Variants in IGFN1 observed in about 807,000 individuals in gnomAD.
IGFN1 encodes the protein immunoglobulin like and fibronectin type III domain containing 1.
In IGFN1, 253 loss-of-function variants were observed where a neutral mutation model predicts 289.5. That is an observed-to-expected ratio of 0.87 (90% confidence interval 0.79 to 0.97). IGFN1 has a LOEUF of 0.97. Among genes scored for constraint, IGFN1 ranks in the 50% least tolerant of loss-of-function variants. The pLI is 0.00. For synonymous variants in IGFN1, 1,706 were observed against 1,788.5 expected (o/e 0.95, Z 1.16); for missense variants, 4,470 against 4,686.1 (o/e 0.95, Z 1.35).
At position 201,207,748 on chromosome 1, in the gene IGFN1, A is replaced by G. The variant is rs1036214906; in HGVS notation, c.2855A>G (p.Glu952Gly). The change falls in exon 12 of 24, where the codon GAA (glutamate) becomes GGA (glycine). Residue 952 changes from glutamate to glycine, a missense_variant. This residue lies in a region of IGFN1 where 2,011 missense variants were observed against 1,953.4 expected (regional missense o/e 1.03). Coordinates refer to ENST00000335211, the MANE Select transcript of IGFN1 (RefSeq NM_001164586.2). ...GGCTTGGAAGGTCCCGGGAGAATGG[A>G]ATCTAGGTACGAGGGTGGCTTAGGA... ...KDGLEGPGRM[E>G]SRYEGGLGYS... 8 of 1,536,766 alleles carry G rather than the reference A, an allele frequency of 5.2e-6. No individual in the cohort carries two copies. In the African/African-American group the frequency reaches 1.1e-4, roughly 21 times the overall value.
chr1:201,221,445 A>T lies in IGFN1; in HGVS notation c.9900A>T (p.Arg3300Ser), dbSNP rs945425558. 2.6e-6 allele frequency: 4 copies of T among 1,567,590 alleles called. No homozygotes were observed. The highest frequency in any genetic ancestry group is 3.5e-6 in the Non-Finnish European group (4 of 1,153,962). Reference protein sequence around the residue: ...SDAVFARDPMRPPGLVRNLQV... With the variant: ...SDAVFARDPMSPPGLVRNLQV... ...TGACTCTCCCATGGTGCCTGGCAGG[A>T]CCCCCTGGGCTGGTGAGGAATCTCC... Residue 3300 changes from arginine to serine, a missense_variant and splice_region_variant, in exon 19 of 24, where the codon AGA (arginine) becomes AGT (serine). Physicochemically the swap from Arg to Ser is moderately radical, Grantham distance 110. Transcript: ENST00000335211.
Position 201,212,254 on chromosome 1 carries a change from G to C in IGFN1, c.7361G>C (p.Arg2454Pro), listed in dbSNP as rs529796535. 1 of 1,535,486 alleles carries C rather than the reference G, an allele frequency of 6.5e-7. No individual in the cohort carries two copies. Among genetic ancestry groups the C allele is most frequent in the Admixed American group, 2.0e-5 (1 of 50,904 alleles). ...GGGGTGCTGGGGTCTCAGGGAGGGC[G>C]ACAGACTCTTTCAGATGAGCGAGGC... ...GTGVLGSQGG[R>P]QTLSDERGST... is the part of the protein sequence containing the mutation. The change falls in exon 12 of 24, where the codon CGA (arginine) becomes CCA (proline). Residue 2454 changes from arginine (R) to proline (P), a missense_variant. By Grantham distance (103) the Arg-to-Pro change is moderately radical (BLOSUM62 -2). This residue lies in a region of IGFN1 where 2,218 missense variants were observed against 2,114.1 expected (regional missense o/e 1.05). Coordinates refer to ENST00000335211, the MANE Select transcript of IGFN1 (RefSeq NM_001164586.2).
chr1:201,196,655 A>G (rs939481092), intron 4 of IGFN1, among the ~76,000 whole-genome samples: 5 of 152,116 alleles, frequency 3.3e-5, no homozygotes, highest in Non-Finnish European at 7.3e-5. Context: ...AGGAGTTGTT[A>G]TGAGGATGAA....
intron 3 of IGFN1, among the ~76,000 whole-genome samples, chr1:201,195,314 G>A: frequency 6.6e-6 from 1 of 152,034 alleles, no homozygotes; most frequent in African/African-American, 2.4e-5. Flanking sequence ...ACCAAGCCTG[G>A]CTACTTTTTG....
At position 201,209,579 on chromosome 1, in the gene IGFN1, T is replaced by C; in HGVS notation, c.4686T>C (p.Asn1562=). The C allele has an allele frequency of 1.3e-6, 2 of 1,526,990 alleles. No homozygotes were observed. The highest frequency in any genetic ancestry group is 1.2e-5 in the South Asian group (1 of 83,646). The allele number at this position is 1,526,990 out of a possible 1,614,324, so 94.6% of individuals were successfully genotyped here. A position where few individuals can be genotyped will look rare whatever the true frequency, so the allele number is the denominator to read the frequency against. ...GTTCTGAAGAAATGGGGTCAGTGAATAAGGCAGGTTATAGGAAGGATTTGG... is the reference window on the plus strand; with the variant it reads ...GTTCTGAAGAAATGGGGTCAGTGAACAAGGCAGGTTATAGGAAGGATTTGG... The part of the protein sequence containing the change: ...LGGSEEMGSV[N]KAGYRKDLGA... Residue 1562 remains asparagine, a synonymous_variant, in exon 12 of 24, where the codon AAT becomes AAC. Transcript: ENST00000335211.
rs1046380453 is a variant in IGFN1 at position 201,212,603 on chromosome 1, G to C, written c.7710G>C (p.Gly2570=). The part of the protein sequence containing the change: ...MTDRGRVAGQ[G]GLASQGGGDS... Reference sequence around the variant, plus strand: ...ACAGGGGTAGAGTTGCTGGCCAGGGGGGGTTGGCATCTCAGGGAGGTGGGG... The same window carrying C: ...ACAGGGGTAGAGTTGCTGGCCAGGGCGGGTTGGCATCTCAGGGAGGTGGGG... The change falls in exon 12 of 24, where the codon GGG becomes GGC. Residue 2570 remains glycine (G), a synonymous_variant. Transcript: ENST00000335211. 1.6e-4 allele frequency: 240 copies of C among 1,546,794 alleles called. No individual in the cohort carries two copies. Among genetic ancestry groups the C allele is most frequent in the Non-Finnish European group, 2.1e-4 (235 of 1,144,832 alleles).
At position 201,228,558 on chromosome 1, in the gene IGFN1, A is replaced by C. The variant is rs115064519; in HGVS notation, c.*159A>C. On this transcript the variant is annotated 3_prime_UTR_variant, in exon 24 of 24. Transcript: ENST00000335211. The stretch of plus-strand genomic sequence containing the variant: ...CGAGGTTTTGGCCAGGAGGACGTGA[A>C]GTCCTTGGGGAAGAAAAACAAGGGA... The C allele has an allele frequency of 1.1e-3, 839 of 756,374 alleles. 3 individuals are homozygous for C. In the African/African-American group the frequency reaches 0.013, roughly 12 times the overall value. The allele number at this position is 756,374 out of a possible 1,614,324, so 46.9% of individuals were successfully genotyped here. A position where few individuals can be genotyped will look rare whatever the true frequency, so the allele number is the denominator to read the frequency against.
intron 3 of IGFN1, 75 bp downstream of exon 3, chr1:201,194,348 A>C: frequency 6.7e-7 from 1 of 1,501,466 alleles, no homozygotes; most frequent in Non-Finnish European, 9.0e-7. Context: ...GGGCTGGGGC[A>C]CCAACCTTCC....
chr1:201,199,889 T>C (rs529119009), intron 7 of IGFN1, among the ~76,000 whole-genome samples: 1 of 152,100 alleles, frequency 6.6e-6, no homozygotes, highest in African/African-American at 2.4e-5. Flanking sequence ...CTCCTCTGAT[T>C]TCCTCATTTG....
At position 201,206,207 on chromosome 1, in the gene IGFN1, G is replaced by T. The variant is rs1013156006; in HGVS notation, c.1314G>T (p.Gln438His). ...GCCAGGGAGAGAAATCCAGAGAGCA[G>T]GGCCCCAGGGGGGGCTCCCTTGAAG... ...IESQGEKSRE[Q>H]GPRGGSLEGA... Residue 438 changes from glutamine (Q) to histidine (H), a missense_variant, in exon 12 of 24, where the codon CAG (glutamine) becomes CAT (histidine). Physicochemically the swap from Gln to His is conservative, Grantham distance 24. Coordinates refer to ENST00000335211, the MANE Select transcript of IGFN1 (RefSeq NM_001164586.2). The T allele has an allele frequency of 3.9e-6, 6 of 1,548,540 alleles. No homozygotes were observed. In the African/African-American group the frequency reaches 8.2e-5, roughly 21 times the overall value.
At chr1:201,216,084 T>A (rs1653242844) in intron 15 of IGFN1, 1 of 698,136 alleles carries the variant, frequency 1.4e-6, no homozygotes, top group Non-Finnish European at 2.7e-6. Context: ...CCCAATACAC[T>A]GGGCCCTCAG....
At chr1:201,203,190 C>T (rs1009846279) in intron 9 of IGFN1, among the ~76,000 whole-genome samples, 1 of 152,222 alleles carries the variant, frequency 6.6e-6, no homozygotes, top group Non-Finnish European at 1.5e-5. Flanking sequence ...GTACCTGAAA[C>T]AGTGCCTGGC....
chr1:201,206,924 G>A lies in IGFN1; in HGVS notation c.2031G>A (p.Glu677=), dbSNP rs1395341190. 1 of 1,536,336 alleles carries A rather than the reference G, an allele frequency of 6.5e-7. No homozygotes were observed. Among genetic ancestry groups the A allele is most frequent in the African/African-American group, 1.4e-5 (1 of 73,002 alleles). The stretch of plus-strand genomic sequence containing the variant: ...GGGCAGGAGGTCCTGGCACCCTGGA[G>A]CTTACTGGAGGAAGAGGTTCTGGCT... ...SNGAGGPGTL[E]LTGGRGSGSK... is the part of the protein sequence containing the mutation. The change falls in exon 12 of 24, where the codon GAG becomes GAA. Residue 677 remains glutamate (E), a synonymous_variant. Coordinates refer to ENST00000335211, the MANE Select transcript of IGFN1 (RefSeq NM_001164586.2).
rs941400820 is a variant in IGFN1, at chr1:201,209,159, A to C, written c.4266A>C (p.Ser1422=). 1 of 1,520,480 alleles carries C rather than the reference A, an allele frequency of 6.6e-7. No homozygotes were observed. Among genetic ancestry groups the C allele is most frequent in the Non-Finnish European group, 8.8e-7 (1 of 1,139,762 alleles). The allele number at this position is 1,520,480 out of a possible 1,614,324, so 94.2% of individuals were successfully genotyped here. Residue 1422 remains serine, a synonymous_variant, in exon 12 of 24, where the codon TCA becomes TCC. Coordinates refer to ENST00000335211, the MANE Select transcript of IGFN1 (RefSeq NM_001164586.2). ...TTGGAGGTTATGGGGAAATGGGGTCAGGTTATAGGGAGGATTTGGGGGCTC... is the reference window on the plus strand; with the variant it reads ...TTGGAGGTTATGGGGAAATGGGGTCCGGTTATAGGGAGGATTTGGGGGCTC... The part of the protein sequence containing the change: ...NGIGGYGEMG[S]GYREDLGAPE...
In IGFN1 at chr1:201,206,742, C is replaced by T. The variant is rs373703369; in HGVS notation, c.1849C>T (p.Pro617Ser). ...CGACCTGCAGGGATGCCAGTCTGAT[C>T]CTGTAGGGTCCTGGCCAAGAGGAAA... ...KSDLQGCQSD[P>S]VGSWPRGKQI... The change falls in exon 12 of 24, where the codon CCT becomes TCT. Residue 617 changes from proline (P) to serine (S), a missense_variant. By Grantham distance (74) the Pro-to-Ser change is moderately conservative (BLOSUM62 -1). Around this residue, in one of 8 missense-constraint regions of IGFN1, gnomAD observed 2,011 missense variants for 1,953.4 expected, o/e 1.03. Coordinates refer to ENST00000335211, the MANE Select transcript of IGFN1 (RefSeq NM_001164586.2). 1 of 1,536,782 alleles carries T rather than the reference C, an allele frequency of 6.5e-7. No homozygotes were observed.
At position 201,193,244 on chromosome 1, in the gene IGFN1, C is replaced by G; in HGVS notation, c.-47-3C>G. On this transcript the variant is annotated splice_polypyrimidine_tract_variant and splice_region_variant and intron_variant, in intron 1 of 23. Transcript: ENST00000335211. ...TCAAAAGCAATTCCATTTCTGTTCT[C>G]AGGGTAATAGAACTTCTACCCTCAG... 1 of 1,412,090 alleles carries G rather than the reference C, an allele frequency of 7.1e-7. No homozygotes were observed. The highest frequency in any genetic ancestry group is 9.8e-7 in the Non-Finnish European group (1 of 1,018,626). 87.5% of individuals were successfully genotyped at this position (1,412,090 alleles called of 1,614,324 possible).
In IGFN1 at chr1:201,201,710, G is replaced by T; in HGVS notation, c.634-9G>T. The T allele has an allele frequency of 6.8e-7, 1 of 1,464,208 alleles. No individual in the cohort carries two copies. Among genetic ancestry groups the T allele is most frequent in the South Asian group, 1.2e-5 (1 of 82,334 alleles). The allele number at this position is 1,464,208 out of a possible 1,614,324, so 90.7% of individuals were successfully genotyped here. A position where few individuals can be genotyped will look rare whatever the true frequency, so the allele number is the denominator to read the frequency against. On this transcript the variant is annotated splice_polypyrimidine_tract_variant and intron_variant, in intron 8 of 23. Transcript: ENST00000335211. The stretch of plus-strand genomic sequence containing the variant: ...GAGCTCTCCTGCTGGGTGTTTGTCT[G>T]CTTTGTAGTACATCAACACCATCTC...
Position 201,211,688 on chromosome 1 carries a change from C to T in IGFN1, c.6795C>T (p.Tyr2265=), listed in dbSNP as rs1356028713. 10 of 1,536,690 alleles carry T rather than the reference C, an allele frequency of 6.5e-6. No individual in the cohort carries two copies. Among genetic ancestry groups the T allele is most frequent in the Admixed American group, 3.9e-5 (2 of 50,948 alleles). Residue 2265 remains tyrosine (Y), a synonymous_variant, in exon 12 of 24, where the codon TAC becomes TAT. Coordinates refer to ENST00000335211, the MANE Select transcript of IGFN1 (RefSeq NM_001164586.2). ...GAPEEMGSGS[Y]TDYRNGLGSS... The stretch of plus-strand genomic sequence containing the variant: ...CTGAGGAAATGGGTTCAGGCAGTTA[C>T]ACAGATTACAGGAATGGTTTAGGCA...
In IGFN1 at chr1:201,205,273, A is replaced by AG. The variant is rs1312622268; in HGVS notation, c.1114dup (p.Ala372GlyfsTer25). On this transcript the variant is annotated frameshift_variant, in exon 11 of 24. Coordinates refer to ENST00000335211, the MANE Select transcript of IGFN1 (RefSeq NM_001164586.2). LOFTEE classifies it high-confidence loss of function. ...CGGGCTGACCCACCGGCTGGTGGTG[A>AG]GGGGGGCACGTTTCTCAGACATGGG... 2 of 1,550,850 alleles carry AG rather than the reference A, an allele frequency of 1.3e-6. No homozygotes were observed. The highest frequency in any genetic ancestry group is 1.4e-5 in the African/African-American group (1 of 73,134).
Sources: allele counts gnomAD v4.1 joint callset (sites outside exome capture counted in the v4.1 genomes callset), GRCh38; gene constraint gnomAD v4.1.1; regional missense constraint gnomAD v4.1.1; transcripts MANE v1.5; gene names NCBI Gene and HGNC (gene_info 2026-07-23, HGNC 2026-07-21).